Variants in CNTNAP5 observed in about 807,000 individuals in gnomAD.
CNTNAP5 encodes the protein contactin associated protein family member 5, also known as contactin-associated protein-like 5.
Under a neutral mutation model 150.2 loss-of-function variants are expected in CNTNAP5, and 72 were observed. The observed-to-expected ratio is 0.48, with a 90% confidence interval of 0.40 to 0.58. The LOEUF is 0.58. CNTNAP5 is among the 20% of genes least tolerant of loss of function. CNTNAP5 has a pLI of 0.00. For synonymous variants in CNTNAP5, 672 were observed against 619.8 expected (o/e 1.08, Z -1.25); for missense variants, 1,636 against 1,626.2 (o/e 1.01, Z -0.10).
chr2:124,746,467 G>A (rs927938633), intron 13 of CNTNAP5, among the ~76,000 whole-genome samples: 1 of 152,168 alleles, frequency 6.6e-6, no homozygotes, highest in African/African-American at 2.4e-5. Flanking sequence ...ACAAGGGTTT[G>A]TTTGGTCCAC....
At chr2:124,583,829 G>C (rs561131240) in intron 11 of CNTNAP5, among the ~76,000 whole-genome samples, 1 of 152,254 alleles carries the variant, frequency 6.6e-6, no homozygotes, top group South Asian at 2.1e-4. Flanking sequence ...TGGGTCAGGT[G>C]TGTGTGTTTA....
chr2:124,503,304 C>T (rs929684793), intron 7 of CNTNAP5, among the ~76,000 whole-genome samples: 3 of 152,176 alleles, frequency 2.0e-5, no homozygotes, highest in African/African-American at 7.2e-5. Flanking sequence ...TACGGATGTT[C>T]TTCCAGGTAG....
chr2:124,719,838 G>T (rs1033885167), intron 13 of CNTNAP5, among the ~76,000 whole-genome samples: 2 of 152,178 alleles, frequency 1.3e-5, no homozygotes, highest in Non-Finnish European at 2.9e-5. Flanking sequence ...TATCAAGAGT[G>T]TAGCAGAGTG....
chr2:124,216,740 T>C (rs1218097072), intron 1 of CNTNAP5, among the ~76,000 whole-genome samples: 2 of 152,344 alleles, frequency 1.3e-5, no homozygotes, highest in South Asian at 4.1e-4. Context: ...TATGGCTGCA[T>C]AGTATTCCAT....
Position 124,865,383 on chromosome 2 carries a change from A to G in CNTNAP5, c.3295A>G (p.Arg1099Gly). 6.4e-7 allele frequency: 1 copy of G among 1,554,744 alleles called. No homozygotes were observed. The highest frequency in any genetic ancestry group is 1.9e-5 in the Admixed American group (1 of 51,300). The change falls in exon 20 of 24, where the codon AGA (arginine) becomes GGA (glycine). Residue 1099 changes from arginine to glycine, a missense_variant. Arg to Gly is a moderately radical substitution (Grantham distance 125). Transcript: ENST00000682447. ...FTIDADNFAN[R>G]RMHHLKINRE... ...CATTGATGCAGATAACTTTGCTAAC[A>G]GAAGGATGCACCACTTGAAGATTAA... is the stretch of plus-strand genomic sequence containing the variant.
intron 8 of CNTNAP5, among the ~76,000 whole-genome samples, chr2:124,516,411 T>C (rs1232025819): frequency 6.6e-6 from 1 of 152,204 alleles, no homozygotes; most frequent in Non-Finnish European, 1.5e-5. Context: ...CTGGGGAAGA[T>C]AAAGCCTAGA....
At chr2:124,841,329 T>G (rs943828121) in intron 19 of CNTNAP5, among the ~76,000 whole-genome samples, 1 of 151,934 alleles carries the variant, frequency 6.6e-6, no homozygotes, top group African/African-American at 2.4e-5. Context: ...CTTCTACTTC[T>G]TCCAAGCTTA....
At position 124,916,800 on chromosome 2, in the gene CNTNAP5, C is replaced by T. The variant is rs1218018245; in HGVS notation, c.*2512C>T. Among the ~76,000 whole-genome samples, 2 of 151,956 alleles carry T rather than the reference C, an allele frequency of 1.3e-5. No individual in the cohort carries two copies. Among genetic ancestry groups the T allele is most frequent in the Non-Finnish European group, 2.9e-5 (2 of 67,964 alleles). ...CATACCACAGACCTAAATGTAGATG[C>T]CAGGACAGTGCCGTCTACACGTCAC... On this transcript the variant is annotated 3_prime_UTR_variant, in exon 24 of 24. Coordinates refer to ENST00000682447, the MANE Select transcript of CNTNAP5 (RefSeq NM_001367498.1).
At chr2:124,030,203 G>T (rs879379551) in intron 1 of CNTNAP5, among the ~76,000 whole-genome samples, 3 of 151,980 alleles carry the variant, frequency 2.0e-5, no homozygotes, top group Non-Finnish European at 4.4e-5. Flanking sequence ...ATTTTATTTG[G>T]ATATTTCTGG....
chr2:124,540,834 C>T (rs1214908141), intron 10 of CNTNAP5, among the ~76,000 whole-genome samples: 1 of 151,934 alleles, frequency 6.6e-6, no homozygotes, highest in Admixed American at 6.6e-5. Context: ...CACATTTGAA[C>T]CAAATAATCA....
At chr2:124,760,965 G>A (rs1032386998) in intron 14 of CNTNAP5, among the ~76,000 whole-genome samples, 1 of 152,068 alleles carries the variant, frequency 6.6e-6, no homozygotes, top group African/African-American at 2.4e-5. Flanking sequence ...CTAGGGTGTT[G>A]AGGTACATGG....
chr2:124,532,514 A>G (rs1419575179), intron 10 of CNTNAP5, among the ~76,000 whole-genome samples: 2 of 152,148 alleles, frequency 1.3e-5, no homozygotes, highest in African/African-American at 4.8e-5. Flanking sequence ...GTCCAAGAGT[A>G]TCAACAGGAG....
intron 1 of CNTNAP5, among the ~76,000 whole-genome samples, chr2:124,056,471 A>G (rs1681849350): frequency 6.6e-6 from 1 of 152,062 alleles, no homozygotes; most frequent in African/African-American, 2.4e-5. Flanking sequence ...AAAAATACAA[A>G]AAAAAAGAAA....
intron 2 of CNTNAP5, among the ~76,000 whole-genome samples, chr2:124,241,246 C>A (rs1271896288): frequency 1.3e-5 from 2 of 152,156 alleles, no homozygotes; most frequent in East Asian, 3.9e-4. Flanking sequence ...CTGCAAACCT[C>A]AGGTGTGATA....
chr2:124,670,477 C>G (rs1678798898), intron 13 of CNTNAP5, among the ~76,000 whole-genome samples: 2 of 152,164 alleles, frequency 1.3e-5, no homozygotes, highest in South Asian at 4.1e-4. Context: ...AGACTGTTAT[C>G]AAACATATGA....
chr2:124,896,700 C>T (rs886837330), intron 21 of CNTNAP5, among the ~76,000 whole-genome samples: 5 of 151,224 alleles, frequency 3.3e-5, no homozygotes, highest in African/African-American at 4.9e-5. Flanking sequence ...CACCATGTCC[C>T]GCTAATTTCT....
chr2:124,028,396 G>C (rs1055892917), intron 1 of CNTNAP5, among the ~76,000 whole-genome samples: 36 of 152,002 alleles, frequency 2.4e-4, no homozygotes, highest in African/African-American at 6.5e-4. Context: ...AAAGATGAAT[G>C]CTTGCCCAAT....
chr2:124,156,787 C>T (rs1023432058), intron 1 of CNTNAP5, among the ~76,000 whole-genome samples: 3 of 152,176 alleles, frequency 2.0e-5, no homozygotes, highest in African/African-American at 7.2e-5. Flanking sequence ...CCGTGCCCAG[C>T]CCATTTTGCC....
chr2:124,869,345 C>T lies in CNTNAP5; in HGVS notation c.3349-330C>T, dbSNP rs979937446. On this transcript the variant is annotated intron_variant, in intron 20 of 23. Coordinates refer to ENST00000682447, the MANE Select transcript of CNTNAP5 (RefSeq NM_001367498.1). Reference sequence around the variant, plus strand: ...AATGTTAATCTTGCACAGCAAGTTCCTGAGCAGGTTTCATTTGTTTGCTTG... The same window carrying T: ...AATGTTAATCTTGCACAGCAAGTTCTTGAGCAGGTTTCATTTGTTTGCTTG... Among the ~76,000 whole-genome samples the T allele has an allele frequency of 3.3e-5, 5 of 152,142 alleles. No homozygotes were observed. In the South Asian group the frequency reaches 1.0e-3, roughly 32 times the overall value.
Sources: allele counts gnomAD v4.1 joint callset (sites outside exome capture counted in the v4.1 genomes callset), GRCh38; gene constraint gnomAD v4.1.1; transcripts MANE v1.5; gene names NCBI Gene and HGNC (gene_info 2026-07-23, HGNC 2026-07-21).